NRXN1: variants seen among roughly 807,000 people sequenced by gnomAD.
NRXN1 encodes neurexin 1, also known as neurexin-1.
Under a neutral mutation model 150.9 loss-of-function variants are expected in NRXN1, and 39 were observed. The observed-to-expected ratio is 0.26, with a 90% CI of 0.20 to 0.34. The LOEUF (loss-of-function observed/expected upper bound fraction) is 0.34. Among genes scored for constraint, NRXN1 ranks in the 10% least tolerant of loss-of-function variants. The pLI is 1.00. For missense variants in NRXN1, 1,815 were observed against 1,949.9 expected (o/e 0.93, Z 1.30); for synonymous variants, 924 against 757.0 (o/e 1.22, Z -3.62).
chr2:50,467,993 A>G (rs1206204899), intron 16 of NRXN1, among the ~76,000 whole-genome samples: 1 of 151,628 alleles, frequency 6.6e-6, no homozygotes, highest in Non-Finnish European at 1.5e-5. Flanking sequence ...AATAATTAGC[A>G]TATTTTTAAA....
chr2:50,552,205 A>G (rs532064604), intron 9 of NRXN1, among the ~76,000 whole-genome samples: 2 of 152,186 alleles, frequency 1.3e-5, no homozygotes, highest in Non-Finnish European at 2.9e-5. Context: ...TTTTTTTTTC[A>G]TATTTTATAT....
intron 16 of NRXN1, 107 bp from the exon 17 acceptor site, chr2:50,465,668 C>A (rs1450154925): frequency 1.6e-6 from 2 of 1,217,136 alleles, no homozygotes; most frequent in African/African-American, 1.5e-5. Context: ...GATGATATGT[C>A]CAAACTAGTT....
intron 18 of NRXN1, among the ~76,000 whole-genome samples, chr2:50,148,214 G>C (rs2058476256): frequency 6.6e-6 from 1 of 151,552 alleles, no homozygotes; most frequent in African/African-American, 2.4e-5. Context: ...CACTTACAGA[G>C]ATTATTGGGG....
At chr2:50,327,058 A>C (rs1188696018) in intron 17 of NRXN1, among the ~76,000 whole-genome samples, 2 of 152,252 alleles carry the variant, frequency 1.3e-5, no homozygotes, top group Admixed American at 1.3e-4. Flanking sequence ...CTTTTAATAT[A>C]TGCTCAATAG....
chr2:50,846,063 A>G lies in NRXN1; in HGVS notation c.832+75806T>C, dbSNP rs1429197514. On this transcript the variant is annotated intron_variant, in intron 5 of 22. Transcript: ENST00000401669. ...CTTTTCTAGCATCAGACAGTGAGTT[A>G]CTAGCTATAGGGAGTAAAAGGCAGG... 2.9e-4 allele frequency among the ~76,000 whole-genome samples: 44 copies of G among 152,216 alleles called. 1 individual carries two copies. Among genetic ancestry groups the G allele is most frequent in the Non-Finnish European group, 1.5e-5 (1 of 68,038 alleles).
chr2:50,594,566 A>G (rs1436254461), intron 8 of NRXN1, among the ~76,000 whole-genome samples: 1 of 152,204 alleles, frequency 6.6e-6, no homozygotes, highest in Admixed American at 6.5e-5. Context: ...GAGTCATTAA[A>G]CCAAAAAGCA....
At chr2:50,278,304 T>TAA (rs1230362570) in intron 17 of NRXN1, among the ~76,000 whole-genome samples, 1 of 125,892 alleles carries the variant, frequency 7.9e-6, no homozygotes, top group South Asian at 2.3e-4. Context: ...ATAATATATA[T>TAA]TTTATATATA....
intron 17 of NRXN1, among the ~76,000 whole-genome samples, chr2:50,295,526 T>G (rs1430697540): frequency 6.6e-6 from 1 of 152,188 alleles, no homozygotes; most frequent in African/African-American, 2.4e-5. Context: ...AGAAGGAATA[T>G]GAGCAATAAA....
intron 17 of NRXN1, among the ~76,000 whole-genome samples, chr2:50,280,780 G>T (rs771621426): frequency 2.6e-5 from 4 of 152,144 alleles, no homozygotes; most frequent in African/African-American, 4.8e-5. Flanking sequence ...GTGGACATAG[G>T]ATGCTCCTAT....
At chr2:50,958,528 A>G (rs918443727) in intron 2 of NRXN1, among the ~76,000 whole-genome samples, 1 of 151,948 alleles carries the variant, frequency 6.6e-6, no homozygotes, top group African/African-American at 2.4e-5. Flanking sequence ...TGATATTTTT[A>G]TAGAAAGTCA....
intron 2 of NRXN1, among the ~76,000 whole-genome samples, chr2:50,998,438 C>T (rs191719223): frequency 2.0e-5 from 3 of 152,038 alleles, no homozygotes; most frequent in Admixed American, 1.3e-4. Context: ...AATGGAAGTG[C>T]CAAAATGATT....
chr2:50,085,115 T>C (rs1032229903), intron 19 of NRXN1, among the ~76,000 whole-genome samples: 3 of 152,216 alleles, frequency 2.0e-5, no homozygotes, highest in African/African-American at 7.2e-5. Flanking sequence ...AAGTTAGTAT[T>C]AGTAAACATT....
chr2:50,021,975 C>G (rs892803971), intron 21 of NRXN1, among the ~76,000 whole-genome samples: 2 of 152,128 alleles, frequency 1.3e-5, no homozygotes, highest in African/African-American at 2.4e-5. Context: ...CTCAGACTCC[C>G]GAGTAGCTGG....
intron 5 of NRXN1, among the ~76,000 whole-genome samples, chr2:50,796,445 GCTCT>G (rs1005793905): frequency 6.6e-6 from 1 of 151,784 alleles, no homozygotes. Context: ...GAATGAACCC[GCTCT>G]CTCTCTCTCC....
chr2:50,373,711 G>GAGAA (rs1553513637), intron 17 of NRXN1, among the ~76,000 whole-genome samples: 2 of 86,250 alleles, frequency 2.3e-5, no homozygotes, highest in African/African-American at 8.7e-5. Flanking sequence ...AAGAAAGAAA[G>GAGAA]AGAAAGAAAG....
intron 5 of NRXN1, among the ~76,000 whole-genome samples, chr2:50,775,655 G>T (rs532283159): frequency 6.6e-6 from 1 of 152,210 alleles, no homozygotes; most frequent in African/African-American, 2.4e-5. Context: ...TTCTGTCCAG[G>T]TGGTTGCTAT....
At chr2:50,437,359 C>T (rs936594640) in intron 17 of NRXN1, among the ~76,000 whole-genome samples, 9 of 152,184 alleles carry the variant, frequency 5.9e-5, no homozygotes, top group Non-Finnish European at 1.0e-4. Flanking sequence ...TTATAGGAGC[C>T]TTTCCCCCAT....
chr2:50,618,384 T>C (rs878884046), intron 8 of NRXN1, among the ~76,000 whole-genome samples: 1 of 152,164 alleles, frequency 6.6e-6, no homozygotes, highest in East Asian at 1.9e-4. Flanking sequence ...CTCACCCTCT[T>C]TTTAAATCAA....
At chr2:50,523,027 A>C (rs1361887913) in intron 12 of NRXN1, among the ~76,000 whole-genome samples, 1 of 151,982 alleles carries the variant, frequency 6.6e-6, no homozygotes, top group African/African-American at 2.4e-5. Flanking sequence ...GAGCCACAGC[A>C]CCCAGCCTCA....
Sources: gnomAD v4.1 joint callset for allele counts (sites outside exome capture counted in the v4.1 genomes callset) on GRCh38, gnomAD v4.1.1 for gene constraint, MANE v1.5 for transcripts, NCBI Gene and HGNC (gene_info 2026-07-23, HGNC 2026-07-21) for gene names.